OSBPL6: variants seen among roughly 807,000 people sequenced by gnomAD.
OSBPL6 encodes oxysterol binding protein like 6, also known as oxysterol-binding protein-related protein 6.
Under a neutral mutation model 125.8 loss-of-function variants are expected in OSBPL6, and 49 were observed. That is an observed-to-expected ratio of 0.39 (90% confidence interval 0.31 to 0.49). OSBPL6 has a LOEUF of 0.49. OSBPL6 is among the 20% of genes least tolerant of loss of function. OSBPL6 has a pLI of 0.88. For synonymous variants in OSBPL6, 394 were observed against 391.8 expected, an observed-to-expected ratio of 1.01 and a Z score of -0.07; for missense variants, 986 against 1,135.4, an observed-to-expected ratio of 0.87 and a Z score of 1.89.
At chr2:178,365,662 C>G (rs537223092) in intron 13 of OSBPL6, among the ~76,000 whole-genome samples, 55 of 152,022 alleles carry the variant, frequency 3.6e-4, no homozygotes, top group African/African-American at 1.3e-3. Context: ...GATGACAGAG[C>G]GAGACTCTGT....
chr2:178,308,218 G>C (rs574325482), intron 3 of OSBPL6, among the ~76,000 whole-genome samples: 2 of 152,330 alleles, frequency 1.3e-5, no homozygotes, highest in East Asian at 3.9e-4. Flanking sequence ...AAGAATAGAA[G>C]AGATCAATTA....
chr2:178,374,098 G>A, intron 15 of OSBPL6, 71 bp downstream of exon 15: 1 of 1,514,250 alleles, frequency 6.6e-7, no homozygotes, highest in Non-Finnish European at 9.0e-7. Flanking sequence ...ACATAAAACT[G>A]TGGAACTTTT....
Position 178,401,411 on chromosome 2 carries a change from G to T in OSBPL6, c.*5852G>T, listed in dbSNP as rs573107883. ...CTAGTTTTGAAAAAGCAATGGAAAT[G>T]AAAGTGTCCAGTGAACTTACTGGCA... On this transcript the variant is annotated 3_prime_UTR_variant, in exon 25 of 25. Transcript: ENST00000190611. 6 of 152,196 alleles carry T rather than the reference G, an allele frequency of 3.9e-5. No homozygotes were observed. Among genetic ancestry groups the T allele is most frequent in the Admixed American group, 2.0e-4 (3 of 15,280 alleles). 9.4% of individuals were successfully genotyped at this position (152,196 alleles called of 1,614,324 possible). A position where few individuals can be genotyped will look rare whatever the true frequency, so the allele number is the denominator to read the frequency against.
chr2:178,282,003 C>T (rs1230863653), intron 1 of OSBPL6, among the ~76,000 whole-genome samples: 2 of 152,156 alleles, frequency 1.3e-5, no homozygotes, highest in South Asian at 2.1e-4. Flanking sequence ...CCCTGCTTCC[C>T]GGAGTACACA....
chr2:178,276,495 C>T (rs2092472091), intron 1 of OSBPL6, among the ~76,000 whole-genome samples: 1 of 151,770 alleles, frequency 6.6e-6, no homozygotes, highest in Admixed American at 6.6e-5. Flanking sequence ...GCCTCAGCCT[C>T]CCAAGTAGCT....
At chr2:178,272,446 C>T (rs1342953536) in intron 1 of OSBPL6, among the ~76,000 whole-genome samples, 7 of 152,030 alleles carry the variant, frequency 4.6e-5, no homozygotes. Flanking sequence ...GATCCAAGGC[C>T]CCAGAGGCAA....
At chr2:178,196,425 A>G (rs1384409527) in intron 1 of OSBPL6, among the ~76,000 whole-genome samples, 2 of 152,204 alleles carry the variant, frequency 1.3e-5, no homozygotes, top group Non-Finnish European at 1.5e-5. Context: ...TGATAACGCC[A>G]TTATACATTC....
At chr2:178,362,743 C>T (rs1692466585) in intron 13 of OSBPL6, among the ~76,000 whole-genome samples, 1 of 152,098 alleles carries the variant, frequency 6.6e-6, no homozygotes, top group African/African-American at 2.4e-5. Flanking sequence ...GGCGTATTTT[C>T]AGTGTTAAGT....
At chr2:178,377,786 C>A (rs1412982528) in intron 15 of OSBPL6, among the ~76,000 whole-genome samples, 1 of 152,166 alleles carries the variant, frequency 6.6e-6, no homozygotes, top group Admixed American at 6.5e-5. Flanking sequence ...GTCCTATCTA[C>A]AATTTAGAGT....
chr2:178,394,232 A>T lies in OSBPL6; in HGVS notation c.2574-81A>T. On this transcript the variant is annotated intron_variant, in intron 23 of 24. Transcript: ENST00000190611. ...GGTATTTTATGTTCATAGCAATTAG[A>T]AAACAATTTTGTGCAAATGAGGTTT... The T allele has an allele frequency of 1.1e-5, 17 of 1,542,268 alleles. No individual in the cohort carries two copies. The South Asian group carries it at 2.0e-4, about 18-fold the overall frequency.
rs1033483923 is a variant in OSBPL6 at position 178,206,223 on chromosome 2, G to A, written c.-351+11549G>A. Among the ~76,000 whole-genome samples the A allele has an allele frequency of 3.9e-5, 6 of 152,272 alleles. No homozygotes were observed. The East Asian group carries it at 5.8e-4, about 15-fold the overall frequency. On this transcript the variant is annotated intron_variant, in intron 1 of 24. Transcript: ENST00000190611. ...GAATGAAACAAAAAAGACCCGTCTC[G>A]GGTTTATGTGTGGTGAAAAAGCTAG...
At chr2:178,388,920 C>A in intron 20 of OSBPL6, 89 bp from the exon 21 acceptor site, 1 of 1,367,176 alleles carries the variant, frequency 7.3e-7, no homozygotes, top group Non-Finnish European at 9.9e-7. Context: ...GAAAAGGAAG[C>A]TTTGGCCAAA....
intron 8 of OSBPL6, among the ~76,000 whole-genome samples, 159 bp from the exon 9 acceptor site, chr2:178,336,142 C>G (rs1461916072): frequency 6.6e-6 from 1 of 152,228 alleles, no homozygotes; most frequent in Non-Finnish European, 1.5e-5. Flanking sequence ...ATGTCGCCCT[C>G]ACTGGGCACA....
intron 1 of OSBPL6, among the ~76,000 whole-genome samples, chr2:178,272,189 G>A (rs1213328446): frequency 6.6e-6 from 1 of 152,152 alleles, no homozygotes; most frequent in Non-Finnish European, 1.5e-5. Flanking sequence ...TCCACTTGGC[G>A]ATCCAAAAAG....
At chr2:178,196,272 A>C (rs529874494) in intron 1 of OSBPL6, among the ~76,000 whole-genome samples, 1 of 152,288 alleles carries the variant, frequency 6.6e-6, no homozygotes, top group Non-Finnish European at 1.5e-5. Context: ...TATTATTATT[A>C]TTCTTTTGCA....
At chr2:178,364,657 G>T (rs1329613679) in intron 13 of OSBPL6, among the ~76,000 whole-genome samples, 1 of 152,124 alleles carries the variant, frequency 6.6e-6, no homozygotes, top group Non-Finnish European at 1.5e-5. Flanking sequence ...TACAAGAGGA[G>T]CTGGTTTGCT....
At chr2:178,278,380 C>G (rs1000768009) in intron 1 of OSBPL6, among the ~76,000 whole-genome samples, 2 of 152,134 alleles carry the variant, frequency 1.3e-5, no homozygotes, top group Admixed American at 6.6e-5. Flanking sequence ...TGTTACATTT[C>G]TAGATCCTCT....
intron 12 of OSBPL6, 58 bp from the exon 13 acceptor site, chr2:178,361,624 G>T: frequency 1.3e-6 from 2 of 1,584,882 alleles, no homozygotes; most frequent in East Asian, 4.5e-5. Context: ...AATTTATAAT[G>T]TTGTGTATTC....
intron 1 of OSBPL6, among the ~76,000 whole-genome samples, chr2:178,222,315 A>G (rs1306699982): frequency 6.6e-6 from 1 of 152,230 alleles, no homozygotes; most frequent in East Asian, 1.9e-4. Flanking sequence ...GAGAGATTTC[A>G]TAATCTTGGC....
Sources: allele counts gnomAD v4.1 joint callset (sites outside exome capture counted in the v4.1 genomes callset), GRCh38; gene constraint gnomAD v4.1.1; transcripts MANE v1.5; gene names NCBI Gene and HGNC (gene_info 2026-07-23, HGNC 2026-07-21).